LYST: variants seen among roughly 807,000 people sequenced by gnomAD.
LYST encodes the protein lysosomal-trafficking regulator.
In LYST, 192 loss-of-function variants were observed where a neutral mutation model predicts 413.6. The observed-to-expected ratio is 0.46, with a 90% CI of 0.41 to 0.52. LYST has a LOEUF of 0.52. Among genes scored for constraint, LYST ranks in the 20% least tolerant of loss-of-function variants. The probability of loss-of-function intolerance (pLI) is 0.00; values close to 1 mark genes in which losing one functional copy is unlikely to be tolerated. For missense variants in LYST, 3,815 were observed against 4,499.9 expected (o/e 0.85, Z 4.35); for synonymous variants, 1,525 against 1,567.3 (o/e 0.97, Z 0.64).
chr1:235,673,950 G>A lies in LYST; in HGVS notation c.11038+3141C>T, dbSNP rs561649875. Reference sequence around the variant, plus strand: ...TTGTTGCGCTTTTGCAACAGGCAGAGCAGAGACCCAAATCGTCCCCTTTCC... The same window carrying A: ...TTGTTGCGCTTTTGCAACAGGCAGAACAGAGACCCAAATCGTCCCCTTTCC... On this transcript the variant is annotated intron_variant, in intron 50 of 52. Coordinates refer to ENST00000389793, the MANE Select transcript of LYST (RefSeq NM_000081.4). 2.6e-5 allele frequency among the ~76,000 whole-genome samples: 4 copies of A among 152,292 alleles called. No individual in the cohort carries two copies. The South Asian group carries it at 8.3e-4, about 32-fold the overall frequency.
At chr1:235,807,660 C>T (rs1326150422) in intron 5 of LYST, among the ~76,000 whole-genome samples, 1 of 152,088 alleles carries the variant, frequency 6.6e-6, no homozygotes, top group Non-Finnish European at 1.5e-5. Context: ...ATGGTATATG[C>T]ATTAATTTGA....
In LYST at chr1:235,664,969, T is replaced by A. The variant is rs1658309706; in HGVS notation, c.11039-348A>T. On this transcript the variant is annotated intron_variant, in intron 50 of 52. Transcript: ENST00000389793. The surrounding 1 kb of genome is among the most constrained non-coding windows in gnomAD (Gnocchi z 4.5). ...CCACCACATCCGGCTAATTTTTATA[T>A]TTTTAGTAGAAATGGGTTTTTGCCA... Among the ~76,000 whole-genome samples, 1 of 152,116 alleles carries A rather than the reference T, an allele frequency of 6.6e-6. No homozygotes were observed. Among genetic ancestry groups the A allele is most frequent in the Admixed American group, 6.5e-5 (1 of 15,276 alleles).
chr1:235,735,416 T>G (rs748331156), intron 31 of LYST: 4 of 152,116 alleles, frequency 2.6e-5, no homozygotes, highest in Non-Finnish European at 5.9e-5. Flanking sequence ...AATCTTTTAT[T>G]AACAGGCCCT....
intron 21 of LYST, among the ~76,000 whole-genome samples, chr1:235,763,627 CT>C (rs71174461): frequency 1.4e-5 from 2 of 148,012 alleles, no homozygotes; most frequent in Non-Finnish European, 3.0e-5. Flanking sequence ...CTTTTTTTTT[CT>C]TTTTTTTTTA....
chr1:235,761,540 T>C (rs1015750170), intron 22 of LYST, among the ~76,000 whole-genome samples: 1 of 152,132 alleles, frequency 6.6e-6, no homozygotes, highest in Non-Finnish European at 1.5e-5. Flanking sequence ...ATTCTGAACA[T>C]ACCTAAAAAT....
intron 46 of LYST, among the ~76,000 whole-genome samples, chr1:235,694,586 C>G (rs1660942900): frequency 1.3e-5 from 2 of 152,250 alleles, no homozygotes; most frequent in South Asian, 4.1e-4. Flanking sequence ...AATGAATCAA[C>G]AGCATAGTGA....
At chr1:235,789,898 T>G (rs1176046685) in intron 12 of LYST, among the ~76,000 whole-genome samples, 2 of 152,176 alleles carry the variant, frequency 1.3e-5, no homozygotes, top group East Asian at 1.9e-4. Context: ...TTTAACTTAA[T>G]GCTCACAACC....
intron 3 of LYST, chr1:235,829,600 T>C (rs943799748): frequency 3.3e-5 from 5 of 152,240 alleles, no homozygotes; most frequent in African/African-American, 9.6e-5. Flanking sequence ...AATTAATTTA[T>C]GTGAGTACTT....
At chr1:235,754,707 A>T (rs1211868716) in intron 25 of LYST, among the ~76,000 whole-genome samples, 4 of 152,102 alleles carry the variant, frequency 2.6e-5, no homozygotes, top group Admixed American at 6.5e-5. Context: ...CTGGAAAATT[A>T]CTTTTAGCAG....
At chr1:235,827,440 A>G in intron 3 of LYST, 1 of 984,468 alleles carries the variant, frequency 1.0e-6, no homozygotes, top group East Asian at 1.1e-4. Flanking sequence ...ATCACCCCAG[A>G]GTACTCAAGA....
chr1:235,802,005 G>A (rs1672285584), intron 8 of LYST, among the ~76,000 whole-genome samples: 1 of 151,778 alleles, frequency 6.6e-6, no homozygotes. Flanking sequence ...ACTAGCCTGG[G>A]CAACATGGTG....
chr1:235,773,921 A>G lies in LYST; in HGVS notation c.5705T>C (p.Val1902Ala). Residue 1902 changes from valine to alanine, a missense_variant, in exon 19 of 53, where the codon GTA becomes GCA. This residue lies in a region of LYST where 530 missense variants were observed against 696.5 expected (regional missense o/e 0.76). Transcript: ENST00000389793. ...MNENGEFKLDVDSNAIIQDVK... is the reference protein window; with the variant it reads ...MNENGEFKLDADSNAIIQDVK... The stretch of plus-strand genomic sequence containing the variant: ...ATCTTGGATTATAGCATTAGAGTCT[A>G]CATCCAACTTAAACTCTCCATTCTC... The G allele has an allele frequency of 6.2e-7, 1 of 1,603,510 alleles. No individual in the cohort carries two copies. The highest frequency in any genetic ancestry group is 8.5e-7 in the Non-Finnish European group (1 of 1,170,448).
chr1:235,767,707 C>T (rs1173507342), intron 20 of LYST, among the ~76,000 whole-genome samples: 2 of 152,038 alleles, frequency 1.3e-5, no homozygotes, highest in Admixed American at 6.6e-5. Flanking sequence ...TGCTGCTGGA[C>T]TTTTTAATAA....
At chr1:235,852,252 A>C (rs1678628336) in intron 1 of LYST, among the ~76,000 whole-genome samples, 1 of 152,212 alleles carries the variant, frequency 6.6e-6, no homozygotes, top group African/African-American at 2.4e-5. Context: ...CCTCAATGGG[A>C]AAATGAATTC....
intron 10 of LYST, among the ~76,000 whole-genome samples, chr1:235,796,637 C>G (rs958127865): frequency 1.3e-5 from 2 of 152,160 alleles, no homozygotes; most frequent in African/African-American, 4.8e-5. Context: ...GGAGTCTGCC[C>G]TCATGGGTGT....
At chr1:235,670,741 T>G (rs1010872935) in intron 50 of LYST, among the ~76,000 whole-genome samples, 1 of 152,058 alleles carries the variant, frequency 6.6e-6, no homozygotes, top group Non-Finnish European at 1.5e-5. Flanking sequence ...CACAATTAAG[T>G]GCAAAGCGAG....
At chr1:235,838,964 CT>C (rs1430619099) in intron 1 of LYST, among the ~76,000 whole-genome samples, 7 of 152,092 alleles carry the variant, frequency 4.6e-5, no homozygotes, top group African/African-American at 1.7e-4. Context: ...CTCTCTCCCC[CT>C]ACTGCCCTAT....
intron 3 of LYST, among the ~76,000 whole-genome samples, chr1:235,825,684 G>T (rs1675247363): frequency 6.6e-6 from 1 of 152,128 alleles, no homozygotes; most frequent in Non-Finnish European, 1.5e-5. Context: ...ACAAACTAAA[G>T]AAGACATAAA....
chr1:235,857,782 C>CATATATATAT (rs1486758595), intron 1 of LYST, among the ~76,000 whole-genome samples: 3 of 119,520 alleles, frequency 2.5e-5, no homozygotes, highest in Admixed American at 8.3e-5. Context: ...CACACACACA[C>CATATATATAT]ACATATATAT....
Sources: allele counts gnomAD v4.1 joint callset (sites outside exome capture counted in the v4.1 genomes callset), GRCh38; gene constraint gnomAD v4.1.1; regional missense constraint gnomAD v4.1.1; non-coding constraint Gnocchi (gnomAD v3.1); transcripts MANE v1.5; gene names NCBI Gene and HGNC (gene_info 2026-07-23, HGNC 2026-07-21).